P4HA2: variants seen among roughly 807,000 people sequenced by gnomAD.
The protein encoded by P4HA2 is prolyl 4-hydroxylase subunit alpha-2.
Under a neutral mutation model 76.9 loss-of-function variants are expected in P4HA2, and 46 were observed. The ratio of observed to expected loss-of-function variants is 0.60; its 90% CI spans 0.47 to 0.76. The LOEUF (loss-of-function observed/expected upper bound fraction) is 0.76. P4HA2 is among the 30% of genes least tolerant of loss of function. The pLI is 0.00. For missense variants in P4HA2, 583 were observed against 669.4 expected (o/e 0.87, Z 1.42); for synonymous variants, 243 against 254.0 (o/e 0.96, Z 0.41).
At chr5:132,208,624 G>C (rs952856160) in intron 7 of P4HA2, among the ~76,000 whole-genome samples, 1 of 151,884 alleles carries the variant, frequency 6.6e-6, no homozygotes, top group African/African-American at 2.4e-5. Context: ...CTGGGACAGG[G>C]GAGAAACCTT....
chr5:132,215,432 C>T (rs1753695065), intron 4 of P4HA2, among the ~76,000 whole-genome samples: 1 of 152,240 alleles, frequency 6.6e-6, no homozygotes, highest in African/African-American at 2.4e-5. Context: ...TCCTGCCGTG[C>T]AGGCAGAACA....
chr5:132,200,789 A>T (rs1177120414), intron 10 of P4HA2: 3 of 152,256 alleles, frequency 2.0e-5, no homozygotes, highest in Non-Finnish European at 4.4e-5. Context: ...TGCATTTTCC[A>T]ATACTTCCAC....
At position 132,192,238 on chromosome 5, in the gene P4HA2, T is replaced by C. The variant is rs201516113; in HGVS notation, c.*772A>G. On this transcript the variant is annotated 3_prime_UTR_variant, in exon 15 of 15. Transcript: ENST00000360568. Reference sequence around the variant, plus strand: ...AGGTACTGACTTGAAAACGTTCTCTTTTCTAACTTGGTGTTGACACAGGTG... The same window carrying C: ...AGGTACTGACTTGAAAACGTTCTCTCTTCTAACTTGGTGTTGACACAGGTG... The C allele has an allele frequency of 6.6e-6, 1 of 152,202 alleles. No individual in the cohort carries two copies. The highest frequency in any genetic ancestry group is 1.5e-5 in the Non-Finnish European group (1 of 68,036). The allele number at this position is 152,202 out of a possible 1,614,324, so 9.4% of individuals were successfully genotyped here. A position where few individuals can be genotyped will look rare whatever the true frequency, so the allele number is the denominator to read the frequency against.
At chr5:132,224,558 G>A (rs914612937) in intron 1 of P4HA2, among the ~76,000 whole-genome samples, 4 of 152,216 alleles carry the variant, frequency 2.6e-5, no homozygotes, top group Admixed American at 2.6e-4. Flanking sequence ...GAAATTGGGC[G>A]ATCTCCATGT....
intron 14 of P4HA2, chr5:132,193,339 G>T: frequency 3.1e-6 from 1 of 319,950 alleles, no homozygotes; most frequent in Non-Finnish European, 5.7e-6. Context: ...ATCTAATCAT[G>T]CCCTTTCATG....
chr5:132,214,366 GGAGACAGAA>G (rs1341871041), intron 4 of P4HA2, among the ~76,000 whole-genome samples: 1 of 152,184 alleles, frequency 6.6e-6, no homozygotes, highest in Non-Finnish European at 1.5e-5. Context: ...CAGAGCTGGT[GGAGACAGAA>G]GAAACAGAGG....
chr5:132,217,258 C>A lies in P4HA2; in HGVS notation c.270G>T (p.Val90=). ...CAGGCCAGTCTGTGTTTAGCCGCTT[C>A]ACCAGTTTGTAGGCATTCACAGGGT... ...LAHPVNAYKL[V]KRLNTDWPAL... is the part of the protein sequence containing the mutation. The change falls in exon 4 of 15, where the codon GTG becomes GTT. Residue 90 remains valine (V), a synonymous_variant. Transcript: ENST00000360568. The A allele has an allele frequency of 6.2e-7, 1 of 1,614,226 alleles. No individual in the cohort carries two copies. The highest frequency in any genetic ancestry group is 8.5e-7 in the Non-Finnish European group (1 of 1,180,026).
rs1370979505 is a variant in P4HA2 at position 132,207,834 on chromosome 5, CCT to C, written c.952_953del (p.Arg318GlyfsTer29). On this transcript the variant is annotated frameshift_variant, in exon 8 of 15. Transcript: ENST00000360568. LOFTEE classifies it high-confidence loss of function. ...AGGGGGCAATGAGCAGCTGTGGGGC[CCT>C]GTTGCCATGGTGGTACCTACAGAAA... ...RLFCRYHHGN[R>X]APQLLIAPFK... 2 of 1,607,254 alleles carry C rather than the reference CCT, an allele frequency of 1.2e-6. No homozygotes were observed. Among genetic ancestry groups the C allele is most frequent in the African/African-American group, 2.7e-5 (2 of 74,694 alleles).
intron 1 of P4HA2, among the ~76,000 whole-genome samples, chr5:132,225,061 A>C (rs894712658): frequency 3.3e-5 from 5 of 151,722 alleles, no homozygotes; most frequent in Non-Finnish European, 7.4e-5. Context: ...AAAAAAAAAA[A>C]AAAAAAAACT....
rs202074440 is a variant in P4HA2, at chr5:132,213,909, G to C, written c.469+7C>G. ...CGGGACAGGCAACGCCTGGAGTGGT[G>C]AGTTACCTGGAAGTTCCCCTCTGGA... On this transcript the variant is annotated splice_region_variant and intron_variant, in intron 5 of 14. Coordinates refer to ENST00000360568, the MANE Select transcript of P4HA2 (RefSeq NM_001017974.2). 1.6e-4 allele frequency: 258 copies of C among 1,613,818 alleles called. 1 individual carries two copies. The highest frequency in any genetic ancestry group is 2.2e-4 in the Non-Finnish European group (254 of 1,179,848).
chr5:132,198,117 G>A (rs1451153549), intron 12 of P4HA2: 1 of 1,578,732 alleles, frequency 6.3e-7, no homozygotes, highest in African/African-American at 1.4e-5. Context: ...CTTAACAGCA[G>A]ATGAGATCAG....
At chr5:132,204,465 G>A (rs1751933133) in intron 8 of P4HA2, among the ~76,000 whole-genome samples, 1 of 152,160 alleles carries the variant, frequency 6.6e-6, no homozygotes, top group Non-Finnish European at 1.5e-5. Flanking sequence ...TGCCTGACTA[G>A]CCCCTTTCCT....
intron 1 of P4HA2, among the ~76,000 whole-genome samples, chr5:132,223,574 T>C (rs555225984): frequency 6.6e-6 from 1 of 152,342 alleles, no homozygotes; most frequent in African/African-American, 2.4e-5. Context: ...ACCTCACTTT[T>C]GTTTTCCCTC....
At chr5:132,220,885 G>C (rs1754566689) in intron 1 of P4HA2, among the ~76,000 whole-genome samples, 1 of 152,164 alleles carries the variant, frequency 6.6e-6, no homozygotes. Context: ...GTGGGAGAAG[G>C]GGATAACTAA....
intron 1 of P4HA2, among the ~76,000 whole-genome samples, chr5:132,223,125 C>G (rs1053350306): frequency 6.6e-6 from 1 of 152,260 alleles, no homozygotes; most frequent in Non-Finnish European, 1.5e-5. Flanking sequence ...GCTCCTCTCA[C>G]TATCTCCAGA....
At chr5:132,201,224 A>G (rs1751435787) in intron 10 of P4HA2, 1 of 152,248 alleles carries the variant, frequency 6.6e-6, no homozygotes, top group African/African-American at 2.4e-5. Context: ...TCATGCAGCC[A>G]AAGTCTTCAA....
At chr5:132,213,189 T>G (rs866483882) in intron 5 of P4HA2, among the ~76,000 whole-genome samples, 28 of 152,334 alleles carry the variant, frequency 1.8e-4, no homozygotes, top group African/African-American at 5.5e-4. Flanking sequence ...CAAATGCTGC[T>G]GGGAAGTTAA....
At chr5:132,193,877 GTAA>G (rs1482248120) in intron 14 of P4HA2, among the ~76,000 whole-genome samples, 1 of 152,008 alleles carries the variant, frequency 6.6e-6, no homozygotes, top group African/African-American at 2.4e-5. Context: ...AAAATATAAA[GTAA>G]TAACATGTAC....
chr5:132,197,571 G>A (rs1052979576), intron 12 of P4HA2, among the ~76,000 whole-genome samples: 8 of 135,878 alleles, frequency 5.9e-5, no homozygotes, highest in African/African-American at 2.3e-4. Context: ...TCCCACCACT[G>A]CACTCCAGTC....
Sources: gnomAD v4.1 joint callset for allele counts (sites outside exome capture counted in the v4.1 genomes callset) on GRCh38, gnomAD v4.1.1 for gene constraint, MANE v1.5 for transcripts, NCBI Gene and HGNC (gene_info 2026-07-23, HGNC 2026-07-21) for gene names.